The following PDE6C variants were observed in gnomAD, a reference collection of about 807,000 sequenced individuals.
The protein encoded by PDE6C is phosphodiesterase 6C.
Under a neutral mutation model 113.1 loss-of-function variants are expected in PDE6C, and 75 were observed. That is an observed-to-expected ratio of 0.66 (90% confidence interval 0.55 to 0.80). PDE6C has a LOEUF of 0.80. PDE6C is among the 30% of genes least tolerant of loss of function. The probability of loss-of-function intolerance (pLI) is 0.00; values close to 1 mark genes in which losing one functional copy is unlikely to be tolerated. For synonymous variants in PDE6C, 375 were observed against 363.7 expected (o/e 1.03, Z -0.35); for missense variants, 912 against 1,038.6 (o/e 0.88, Z 1.67).
chr10:93,634,614 T>A, intron 8 of PDE6C, 144 bp from the exon 9 acceptor site: 1 of 788,502 alleles, frequency 1.3e-6, no homozygotes, highest in Non-Finnish European at 2.1e-6. Context: ...ACTGTAGTTG[T>A]CTAACCATCA....
At chr10:93,648,316 C>A (rs1000414467) in intron 15 of PDE6C, among the ~76,000 whole-genome samples, 3 of 152,196 alleles carry the variant, frequency 2.0e-5, no homozygotes, top group African/African-American at 7.2e-5. Context: ...ATTCAACCTG[C>A]TAATTGCAGA....
rs2058516624 is a variant in PDE6C at position 93,634,148 on chromosome 10, A to G, written c.1120-610A>G. Among the ~76,000 whole-genome samples the G allele has an allele frequency of 2.0e-5, 3 of 151,662 alleles. No homozygotes were observed. The South Asian group carries it at 6.2e-4, about 32-fold the overall frequency. On this transcript the variant is annotated intron_variant, in intron 8 of 21. Coordinates refer to ENST00000371447, the MANE Select transcript of PDE6C (RefSeq NM_006204.4). ...AGCAATTCTCCTGCCTCAGCCTCCC[A>G]AGTAGCTGGGATTACAGGTGCCCAC...
rs749089806 is a variant in PDE6C, at chr10:93,612,943, G to C, written c.218G>C (p.Gly73Ala). 1 of 1,613,954 alleles carries C rather than the reference G, an allele frequency of 6.2e-7. No homozygotes were observed. The highest frequency in any genetic ancestry group is 8.5e-7 in the Non-Finnish European group (1 of 1,179,986). Reference sequence around the variant, plus strand: ...CTGCTGTGGACCGTGCAGGAGGAGGGGGGCACCCCAGAGCAGGGGGTTCAC... The same window carrying C: ...CTGCTGTGGACCGTGCAGGAGGAGGCGGGCACCCCAGAGCAGGGGGTTCAC... ...LELLWTVQEE[G>A]GTPEQGVHRA... The change falls in exon 1 of 22, where the codon GGG becomes GCG. Residue 73 changes from glycine to alanine, a missense_variant. Gly to Ala is a moderately conservative substitution (Grantham distance 60, BLOSUM62 0). Transcript: ENST00000371447.
intron 8 of PDE6C, among the ~76,000 whole-genome samples, chr10:93,630,152 C>T (rs1015362783): frequency 1.3e-5 from 2 of 152,102 alleles, no homozygotes; most frequent in African/African-American, 2.4e-5. Context: ...CTGTTAGACT[C>T]GGTTGTATCC....
chr10:93,619,241 A>G (rs971215211), intron 1 of PDE6C, among the ~76,000 whole-genome samples: 2 of 151,888 alleles, frequency 1.3e-5, no homozygotes, highest in African/African-American at 2.4e-5. Context: ...TCTCGAATCT[A>G]CTCTATGAGG....
chr10:93,641,156 G>A lies in PDE6C; in HGVS notation c.1847+127G>A. ...TCTTTGCCATGTTGGAAATTCCAGG[G>A]CTGGATTCTATTCCCTCCCAAGCTT... On this transcript the variant is annotated intron_variant, in intron 14 of 21. Transcript: ENST00000371447. 3 of 665,768 alleles carry A rather than the reference G, an allele frequency of 4.5e-6. No homozygotes were observed. The South Asian group carries it at 5.3e-5, about 12-fold the overall frequency. The allele number at this position is 665,768 out of a possible 1,614,324, so 41.2% of individuals were successfully genotyped here.
intron 1 of PDE6C, among the ~76,000 whole-genome samples, chr10:93,619,576 G>A (rs1435317543): frequency 6.6e-6 from 1 of 152,148 alleles, no homozygotes; most frequent in African/African-American, 2.4e-5. Flanking sequence ...ACAGGGGCGT[G>A]CCACCACGCT....
At chr10:93,659,484 G>A (rs771758325) in intron 18 of PDE6C, among the ~76,000 whole-genome samples, 11 of 152,108 alleles carry the variant, frequency 7.2e-5, no homozygotes, top group Non-Finnish European at 1.0e-4. Flanking sequence ...AGACATACCC[G>A]AGACTGGGTA....
chr10:93,639,941 A>G (rs1259954233), intron 11 of PDE6C, 129 bp from the exon 12 acceptor site: 5 of 924,314 alleles, frequency 5.4e-6, no homozygotes, highest in Non-Finnish European at 8.9e-6. Context: ...TGCCTGGCAC[A>G]TGGTGGTTCA....
chr10:93,633,231 T>A (rs1392487758), intron 8 of PDE6C, among the ~76,000 whole-genome samples: 2 of 152,088 alleles, frequency 1.3e-5, no homozygotes, highest in African/African-American at 4.8e-5. Flanking sequence ...TTTGGGAGGC[T>A]GAGGCGGGCG....
Position 93,620,288 on chromosome 10 carries a change from A to G in PDE6C, c.481-344A>G, listed in dbSNP as rs1394724620. On this transcript the variant is annotated intron_variant, in intron 1 of 21. Transcript: ENST00000371447. ...TCCTAGCTGTGCTCTCCTTCCCTGC[A>G]TGTACTTGCTGTCTATTGTAACCTT... is the stretch of plus-strand genomic sequence containing the variant. 3.3e-5 allele frequency among the ~76,000 whole-genome samples: 5 copies of G among 152,156 alleles called. No homozygotes were observed. In the South Asian group the frequency reaches 6.2e-4, roughly 19 times the overall value.
In PDE6C at chr10:93,621,971, A is replaced by G; in HGVS notation, c.763A>G (p.Thr255Ala). The G allele has an allele frequency of 6.2e-7, 1 of 1,614,056 alleles. No homozygotes were observed. The highest frequency in any genetic ancestry group is 8.5e-7 in the Non-Finnish European group (1 of 1,179,954). ...WSANKVFEEL[T>A]DVERQFHKAL... ...AGCCAATAAAGTATTTGAAGAACTC[A>G]CAGATGTTGAGCGACAGTTTCACAA... Residue 255 changes from threonine (T) to alanine (A), a missense_variant, in exon 4 of 22, where the codon ACA becomes GCA. Transcript: ENST00000371447.
In PDE6C at chr10:93,665,826, G is replaced by T; in HGVS notation, c.*408G>T. On this transcript the variant is annotated 3_prime_UTR_variant, in exon 22 of 22. Coordinates refer to ENST00000371447, the MANE Select transcript of PDE6C (RefSeq NM_006204.4). ...CAAGATCAAGGAGTTGGCAGGGTTG[G>T]TTTCTTGGGAGGCCTCTCAACTTGG... is the stretch of plus-strand genomic sequence containing the variant. The T allele has an allele frequency of 3.9e-6, 1 of 259,198 alleles. No individual in the cohort carries two copies. Among genetic ancestry groups the T allele is most frequent in the Non-Finnish European group, 7.4e-6 (1 of 134,336 alleles). 16.1% of individuals were successfully genotyped at this position (259,198 alleles called of 1,614,324 possible). A position where few individuals can be genotyped will look rare whatever the true frequency, so the allele number is the denominator to read the frequency against.
chr10:93,643,699 CTT>C (rs71031525), intron 14 of PDE6C, among the ~76,000 whole-genome samples: 122 of 144,078 alleles, frequency 8.5e-4, no homozygotes, highest in Middle Eastern at 3.6e-3. Context: ...CCAACTAATT[CTT>C]TTTTTTTTTT....
intron 15 of PDE6C, among the ~76,000 whole-genome samples, chr10:93,652,028 T>C (rs1564804038): frequency 4.6e-5 from 7 of 152,076 alleles, no homozygotes; most frequent in Middle Eastern, 3.2e-3. Context: ...CATGTGTGTG[T>C]GTGTGTGCCT....
In PDE6C at chr10:93,634,807, T is replaced by C. The variant is rs1244734540; in HGVS notation, c.1169T>C (p.Leu390Pro). ...TGWVIKNVLS[L>P]PIVNKKEDIV... Reference sequence around the variant, plus strand: ...TGGGTCATTAAGAATGTTTTGTCCCTGCCTATTGTCAACAAGAAAGAAGAT... The same window carrying C: ...TGGGTCATTAAGAATGTTTTGTCCCCGCCTATTGTCAACAAGAAAGAAGAT... Residue 390 changes from leucine (L) to proline (P), a missense_variant, in exon 9 of 22, where the codon CTG (leucine) becomes CCG (proline). Leu to Pro is a moderately conservative substitution (Grantham distance 98). Transcript: ENST00000371447. 3 of 1,614,042 alleles carry C rather than the reference T, an allele frequency of 1.9e-6. No individual in the cohort carries two copies. Among genetic ancestry groups the C allele is most frequent in the Non-Finnish European group, 2.5e-6 (3 of 1,179,992 alleles).
chr10:93,660,565 G>T (rs1308165407), intron 18 of PDE6C, among the ~76,000 whole-genome samples: 1 of 151,966 alleles, frequency 6.6e-6, no homozygotes, highest in Non-Finnish European at 1.5e-5. Context: ...GAAGGTCGGG[G>T]GAAGGTGAGA....
chr10:93,660,214 C>T (rs904020507), intron 18 of PDE6C, among the ~76,000 whole-genome samples: 4 of 152,134 alleles, frequency 2.6e-5, no homozygotes, highest in East Asian at 1.9e-4. Flanking sequence ...TAACAAAAGA[C>T]AGATTAACAA....
chr10:93,633,927 C>T (rs1279302975), intron 8 of PDE6C, among the ~76,000 whole-genome samples: 1 of 152,186 alleles, frequency 6.6e-6, no homozygotes, highest in Admixed American at 6.5e-5. Context: ...TTCTAGTTCA[C>T]TCTATTGGAT....
Sources: allele counts gnomAD v4.1 joint callset (sites outside exome capture counted in the v4.1 genomes callset), GRCh38; gene constraint gnomAD v4.1.1; transcripts MANE v1.5; gene names NCBI Gene and HGNC (gene_info 2026-07-23, HGNC 2026-07-21).